Variants in IREB2 observed in about 807,000 individuals in gnomAD.
IREB2 encodes iron-responsive element-binding protein 2.
Under a neutral mutation model 118.8 loss-of-function variants are expected in IREB2, and 39 were observed. The observed-to-expected ratio is 0.33, with a 90% CI of 0.25 to 0.43. The LOEUF is 0.43. IREB2 is among the 20% of genes least tolerant of loss of function. The pLI is 1.00. For missense variants in IREB2, 900 were observed against 1,147.3 expected (o/e 0.78, Z 3.11); for synonymous variants, 372 against 392.2 (o/e 0.95, Z 0.61).
intron 2 of IREB2, among the ~76,000 whole-genome samples, chr15:78,444,790 C>T (rs1345526276): frequency 7.9e-5 from 12 of 151,820 alleles, no homozygotes; most frequent in Admixed American, 7.2e-4. Context: ...AACATCTTTC[C>T]ATGTCATTGA....
chr15:78,448,126 A>T (rs1595985323), intron 2 of IREB2, among the ~76,000 whole-genome samples: 1 of 152,152 alleles, frequency 6.6e-6, no homozygotes, highest in Non-Finnish European at 1.5e-5. Flanking sequence ...TCTCAATGGC[A>T]ATGTATGTAT....
intron 10 of IREB2, among the ~76,000 whole-genome samples, chr15:78,479,277 T>TATC (rs1412977669): frequency 6.6e-6 from 1 of 152,042 alleles, no homozygotes; most frequent in African/African-American, 2.4e-5. Context: ...TAGCTATCAT[T>TATC]ATTATTATTA....
chr15:78,479,754 T>C (rs1180008063), intron 10 of IREB2, among the ~76,000 whole-genome samples: 1 of 152,108 alleles, frequency 6.6e-6, no homozygotes, highest in East Asian at 1.9e-4. Flanking sequence ...TATTTTACAA[T>C]CTAAGTAAAT....
At chr15:78,473,466 G>A in intron 8 of IREB2, 85 bp downstream of exon 8, 1 of 1,074,074 alleles carries the variant, frequency 9.3e-7, no homozygotes, top group Non-Finnish European at 1.4e-6. Flanking sequence ...AGGGATTTGG[G>A]TTCATTACTG....
chr15:78,496,635 C>G (rs1489440522), intron 20 of IREB2, among the ~76,000 whole-genome samples: 1 of 151,790 alleles, frequency 6.6e-6, no homozygotes, highest in East Asian at 1.9e-4. Context: ...CACTATATTG[C>G]CCAGGCTGGT....
chr15:78,440,062 C>T (rs2050821623), intron 2 of IREB2, among the ~76,000 whole-genome samples, 181 bp downstream of exon 2: 1 of 152,200 alleles, frequency 6.6e-6, no homozygotes, highest in Admixed American at 6.5e-5. Context: ...AAGATGTAGG[C>T]CCACACCTTA....
chr15:78,460,018 T>C (rs1343450796), intron 2 of IREB2, among the ~76,000 whole-genome samples: 1 of 152,226 alleles, frequency 6.6e-6, no homozygotes, highest in African/African-American at 2.4e-5. Flanking sequence ...TTCTTATTTT[T>C]GCGAGAACAC....
chr15:78,491,490 GTA>G (rs1566996309), intron 18 of IREB2, among the ~76,000 whole-genome samples: 1 of 151,644 alleles, frequency 6.6e-6, no homozygotes, highest in Non-Finnish European at 1.5e-5. Flanking sequence ...ATTTATTTAT[GTA>G]TGTATTTATT....
chr15:78,478,454 G>A (rs2051511946), intron 10 of IREB2, 57 bp downstream of exon 10: 1 of 1,103,066 alleles, frequency 9.1e-7, no homozygotes, highest in Admixed American at 1.8e-5. Context: ...TGTAATCCCA[G>A]CGCTTTGAAA....
chr15:78,490,258 G>T (rs2051727543), intron 16 of IREB2, among the ~76,000 whole-genome samples, 164 bp from the exon 17 acceptor site: 2 of 152,054 alleles, frequency 1.3e-5, no homozygotes, highest in Non-Finnish European at 2.9e-5. Flanking sequence ...TTAAAAAAAA[G>T]AAAAGAATAC....
intron 2 of IREB2, among the ~76,000 whole-genome samples, chr15:78,445,826 C>CCA (rs1180495551): frequency 6.6e-6 from 1 of 152,088 alleles, no homozygotes. Context: ...GCTCTGTTGC[C>CCA]CAGGCTGGAG....
intron 11 of IREB2, among the ~76,000 whole-genome samples, chr15:78,484,260 G>T (rs1388020024): frequency 6.6e-6 from 1 of 151,904 alleles, no homozygotes; most frequent in East Asian, 1.9e-4. Context: ...TTGACTTTTT[G>T]TTCAGAAAGT....
rs374923182 is a variant in IREB2 at position 78,499,830 on chromosome 15, G to A, written c.*1687G>A. Reference sequence around the variant, plus strand: ...TCTGAAGAAATGGTAATTCCAGATTGTGCAGGGGGAAACAAATCTATTTTG... The same window carrying A: ...TCTGAAGAAATGGTAATTCCAGATTATGCAGGGGGAAACAAATCTATTTTG... On this transcript the variant is annotated 3_prime_UTR_variant, in exon 22 of 22. Transcript: ENST00000258886. 6.6e-6 allele frequency: 1 copy of A among 152,200 alleles called. No individual in the cohort carries two copies. Among genetic ancestry groups the A allele is most frequent in the African/African-American group, 2.4e-5 (1 of 41,458 alleles). 9.4% of individuals were successfully genotyped at this position (152,200 alleles called of 1,614,324 possible).
At chr15:78,488,085 G>C in intron 14 of IREB2, 95 bp from the exon 15 acceptor site, 2 of 1,182,406 alleles carry the variant, frequency 1.7e-6, no homozygotes, top group Non-Finnish European at 2.3e-6. Flanking sequence ...GGTTAATCTC[G>C]CCCTCAGACT....
At chr15:78,485,668 C>A in intron 12 of IREB2, 37 bp from the exon 13 acceptor site, 1 of 1,598,090 alleles carries the variant, frequency 6.3e-7, no homozygotes, top group Non-Finnish European at 8.5e-7. Context: ...GGGAAAGAAA[C>A]ATTGCCATAA....
At chr15:78,448,345 A>C (rs977299170) in intron 2 of IREB2, among the ~76,000 whole-genome samples, 1 of 152,054 alleles carries the variant, frequency 6.6e-6, no homozygotes, top group Admixed American at 6.6e-5. Context: ...CGGTTTCACC[A>C]TGTTGGCCAG....
chr15:78,473,274 C>T lies in IREB2; in HGVS notation c.916C>T (p.Leu306Phe), dbSNP rs1346784731. 1.2e-6 allele frequency: 2 copies of T among 1,613,820 alleles called. No individual in the cohort carries two copies. Among genetic ancestry groups the T allele is most frequent in the Non-Finnish European group, 1.7e-6 (2 of 1,179,854 alleles). Residue 306 changes from leucine to phenylalanine, a missense_variant, in exon 8 of 22, where the codon CTT (leucine) becomes TTT (phenylalanine). Leu to Phe is a conservative substitution (Grantham distance 22, BLOSUM62 0). Transcript: ENST00000258886. Reference protein sequence around the residue: ...VGGIETEAVMLGLPVSLTLPE... With the variant: ...VGGIETEAVMFGLPVSLTLPE... ...AGGCATTGAAACAGAAGCAGTTATG[C>T]TTGGTCTGCCAGTTTCTCTTACTTT...
At chr15:78,478,444 T>C (rs752026184) in intron 10 of IREB2, 47 bp downstream of exon 10, 43 of 1,183,988 alleles carry the variant, frequency 3.6e-5, no homozygotes, top group Non-Finnish European at 5.0e-5. Flanking sequence ...TAAATTGTGG[T>C]GTAATCCCAG....
chr15:78,471,085 C>T (rs2141487936), intron 6 of IREB2: 1 of 152,056 alleles, frequency 6.6e-6, no homozygotes, highest in East Asian at 1.9e-4. Flanking sequence ...GATCTTGGCT[C>T]ACTGCAACCT....
Sources: allele counts gnomAD v4.1 joint callset (sites outside exome capture counted in the v4.1 genomes callset), GRCh38; gene constraint gnomAD v4.1.1; transcripts MANE v1.5; gene names NCBI Gene and HGNC (gene_info 2026-07-23, HGNC 2026-07-21).